KMT2D: variants seen among roughly 807,000 people sequenced by gnomAD.
The protein encoded by KMT2D is histone-lysine N-methyltransferase 2D.
In KMT2D, 55 loss-of-function variants were observed where a neutral mutation model predicts 512.7. The ratio of observed to expected loss-of-function variants is 0.11; its 90% CI spans 0.09 to 0.13. KMT2D has a LOEUF of 0.13. Among genes scored for constraint, KMT2D ranks in the 10% least tolerant of loss-of-function variants. KMT2D has a pLI of 1.00. For missense variants in KMT2D, 6,061 were observed against 7,127.9 expected (o/e 0.85, Z 5.39); for synonymous variants, 2,995 against 2,904.0 (o/e 1.03, Z -1.01).
rs1257427031 is a variant in KMT2D, at chr12:49,021,867, G to A, written c.16527C>T (p.Thr5509=). ...SRRIPKGEEL[T]YDYQFDFEDD... is the part of the protein sequence containing the mutation. ...CCTCAAAATCAAACTGATAGTCATA[G>A]GTTAGCTGAAAAGAGAAGAGGGCAG... The change falls in exon 55 of 55, where the codon ACC becomes ACT. Residue 5509 remains threonine (T), a synonymous_variant. Coordinates refer to ENST00000301067, the MANE Select transcript of KMT2D (RefSeq NM_003482.4). 1 of 1,613,644 alleles carries A rather than the reference G, an allele frequency of 6.2e-7. No homozygotes were observed. Among genetic ancestry groups the A allele is most frequent in the Non-Finnish European group, 8.5e-7 (1 of 1,179,560 alleles).
At position 49,033,400 on chromosome 12, in the gene KMT2D, G is replaced by T. The variant is rs758131988; in HGVS notation, c.11305C>A (p.Leu3769Met). 6.4e-7 allele frequency: 1 copy of T among 1,573,690 alleles called. No homozygotes were observed. Among genetic ancestry groups the T allele is most frequent in the Non-Finnish European group, 8.6e-7 (1 of 1,159,596 alleles). Residue 3769 changes from leucine to methionine, a missense_variant, in exon 40 of 55, where the codon CTG (leucine) becomes ATG (methionine). Transcript: ENST00000301067. ...QGPGVQTNQALGPKPQGLMPP... is the reference protein window; with the variant it reads ...QGPGVQTNQAMGPKPQGLMPP... Reference sequence around the variant, plus strand: ...ATAAGGCCCTGGGGCTTGGGACCCAGAGCTTGGTTTGTCTGTACTCCAGGA... The same window carrying T: ...ATAAGGCCCTGGGGCTTGGGACCCATAGCTTGGTTTGTCTGTACTCCAGGA...
chr12:49,058,435 T>C (rs777447096), intron 1 of KMT2D, among the ~76,000 whole-genome samples: 1 of 152,154 alleles, frequency 6.6e-6, no homozygotes, highest in Non-Finnish European at 1.5e-5. Context: ...ATCTAGTATA[T>C]GTATGTTGGA....
At position 49,029,110 on chromosome 12, in the gene KMT2D, G is replaced by A. The variant is rs200979074; in HGVS notation, c.14202C>T (p.Asp4734=). The A allele has an allele frequency of 2.4e-4, 379 of 1,611,460 alleles. 1 individual carries two copies. Among genetic ancestry groups the A allele is most frequent in the Admixed American group, 6.7e-5 (4 of 59,910 alleles). The change falls in exon 45 of 55, where the codon GAC becomes GAT. Residue 4734 remains aspartate (D), a synonymous_variant. Transcript: ENST00000301067. ...GGGGGATGACAGGGGAGAGGGCCCG[G>A]TCCTCTTGCTCCCACCGGCCTGAGC... The part of the protein sequence containing the change: ...HLGSGRWEQE[D]RALSPVIPLI...
intron 1 of KMT2D, among the ~76,000 whole-genome samples, chr12:49,058,715 A>T (rs993663764): frequency 1.3e-5 from 2 of 152,166 alleles, no homozygotes; most frequent in Non-Finnish European, 2.9e-5. Flanking sequence ...AAACCAGTTA[A>T]CAATCCCTGG....
chr12:49,043,063 G>T lies in KMT2D; in HGVS notation c.5644+13C>A, dbSNP rs765877892. The T allele has an allele frequency of 6.2e-7, 1 of 1,605,406 alleles. No homozygotes were observed. The highest frequency in any genetic ancestry group is 1.1e-5 in the South Asian group (1 of 90,918). ...AACCCTTATACACAAAGAGGTACGG[G>T]TCACAGCCTCACCTTCTGTGGAAAT... On this transcript the variant is annotated intron_variant, in intron 26 of 54. Coordinates refer to ENST00000301067, the MANE Select transcript of KMT2D (RefSeq NM_003482.4).
rs1487489173 is a variant in KMT2D at position 49,027,830 on chromosome 12, T to C, written c.14616A>G (p.Gln4872=). The C allele has an allele frequency of 6.3e-7, 1 of 1,584,272 alleles. No individual in the cohort carries two copies. The highest frequency in any genetic ancestry group is 1.1e-5 in the South Asian group (1 of 87,130). ...GTTTCAGGAGGCTCAAGATGTCTAG[T>C]TGGCTCTTCAGGGTATAGCCAGGCA... ...AVLPGYTLKS[Q]LDILSLLKQE... The change falls in exon 48 of 55, where the codon CAA becomes CAG. Residue 4872 remains glutamine, a synonymous_variant. Transcript: ENST00000301067.
Position 49,051,205 on chromosome 12 carries a change from G to A in KMT2D, c.2478C>T (p.Pro826=), listed in dbSNP as rs772355587. 1.3e-6 allele frequency: 2 copies of A among 1,500,578 alleles called. No individual in the cohort carries two copies. Among genetic ancestry groups the A allele is most frequent in the Non-Finnish European group, 1.8e-6 (2 of 1,116,720 alleles). 93.0% of individuals were successfully genotyped at this position (1,500,578 alleles called of 1,614,324 possible). Residue 826 remains proline, a synonymous_variant, in exon 11 of 55, where the codon CCC becomes CCT. Coordinates refer to ENST00000301067, the MANE Select transcript of KMT2D (RefSeq NM_003482.4). ...SPVPEEPCLS[P]QPEESHLSPQ... Reference sequence around the variant, plus strand: ...GGGACAGGTGTGATTCCTCAGGTTGGGGGGACAAGCATGGCTCCTCAGGCA... The same window carrying A: ...GGGACAGGTGTGATTCCTCAGGTTGAGGGGACAAGCATGGCTCCTCAGGCA...
At position 49,034,916 on chromosome 12, in the gene KMT2D, T is replaced by C. The variant is rs1943141309; in HGVS notation, c.10251A>G (p.Ala3417=). The C allele has an allele frequency of 5.0e-6, 8 of 1,613,914 alleles. 1 individual carries two copies. Among genetic ancestry groups the C allele is most frequent in the Non-Finnish European group, 6.8e-6 (8 of 1,179,896 alleles). The part of the protein sequence containing the change: ...FPDTDLDKFA[A]EDIIDPIAKA... The stretch of plus-strand genomic sequence containing the variant: ...TTGCAATGGGATCAATGATATCTTC[T>C]GCAGCAAATTTGTCCAGGTCTGGAG... The change falls in exon 36 of 55, where the codon GCA becomes GCG. Residue 3417 remains alanine, a synonymous_variant. Coordinates refer to ENST00000301067, the MANE Select transcript of KMT2D (RefSeq NM_003482.4).
rs2120462024 is a variant in KMT2D, at chr12:49,034,912, C to A, written c.10255G>T (p.Asp3419Tyr). 1 of 1,614,006 alleles carries A rather than the reference C, an allele frequency of 6.2e-7. No individual in the cohort carries two copies. Among genetic ancestry groups the A allele is most frequent in the South Asian group, 1.1e-5 (1 of 91,082 alleles). ...GCCTTTGCAATGGGATCAATGATAT[C>A]TTCTGCAGCAAATTTGTCCAGGTCT... ...DTDLDKFAAEDIIDPIAKAKM... is the reference protein window; with the variant it reads ...DTDLDKFAAEYIIDPIAKAKM... Residue 3419 changes from aspartate (D) to tyrosine (Y), a missense_variant, in exon 36 of 55, where the codon GAT becomes TAT. Coordinates refer to ENST00000301067, the MANE Select transcript of KMT2D (RefSeq NM_003482.4).
chr12:49,045,343 G>A (rs987347113), intron 19 of KMT2D, among the ~76,000 whole-genome samples: 1 of 152,108 alleles, frequency 6.6e-6, no homozygotes, highest in Non-Finnish European at 1.5e-5. Context: ...CTTTCACTTA[G>A]GAAAAAGAGT....
intron 14 of KMT2D, among the ~76,000 whole-genome samples, 160 bp downstream of exon 14, chr12:49,048,499 A>G (rs1185098103): frequency 1.3e-5 from 2 of 152,234 alleles, no homozygotes; most frequent in Non-Finnish European, 2.9e-5. Flanking sequence ...CTCAAGAGAA[A>G]TGTGATGGAT....
rs2120539985 is a variant in KMT2D at position 49,041,015 on chromosome 12, A to G, written c.6755T>C (p.Leu2252Pro). ...GCTCTCAGGCACAGCCAAGTTATCCAGCGAGGGGCAGCGGGGTTTGAGGAA... is the reference window on the plus strand; with the variant it reads ...GCTCTCAGGCACAGCCAAGTTATCCGGCGAGGGGCAGCGGGGTTTGAGGAA... ...DPFLKPRCPS[L>P]DNLAVPESPG... Residue 2252 changes from leucine to proline, a missense_variant, in exon 32 of 55, where the codon CTG becomes CCG. Leu to Pro is a moderately conservative substitution (Grantham distance 98). Around this residue, in one of 16 missense-constraint regions of KMT2D, gnomAD observed 710 missense variants for 647.3 expected, o/e 1.10. Transcript: ENST00000301067. This position sits in a 1 kb window ranked among gnomAD's most constrained non-coding sequence, Gnocchi z 5.4. 1 of 1,581,896 alleles carries G rather than the reference A, an allele frequency of 6.3e-7. No homozygotes were observed. The highest frequency in any genetic ancestry group is 1.2e-5 in the South Asian group (1 of 86,426).
chr12:49,020,477 C>G lies in KMT2D; in HGVS notation c.*1303G>C, dbSNP rs1942264144. 1 of 197,086 alleles carries G rather than the reference C, an allele frequency of 5.1e-6. No homozygotes were observed. Among genetic ancestry groups the G allele is most frequent in the Non-Finnish European group, 1.1e-5 (1 of 95,212 alleles). The allele number at this position is 197,086 out of a possible 1,614,324, so 12.2% of individuals were successfully genotyped here. A position where few individuals can be genotyped will look rare whatever the true frequency, so the allele number is the denominator to read the frequency against. On this transcript the variant is annotated 3_prime_UTR_variant, in exon 55 of 55. Coordinates refer to ENST00000301067, the MANE Select transcript of KMT2D (RefSeq NM_003482.4). ...AATTAGTAGTTTTACATTTGCTCTC[C>G]CCGGGGGGTGGGGGGAGAGGGGAGG... is the stretch of plus-strand genomic sequence containing the variant.
Position 49,042,751 on chromosome 12 carries a change from G to A in KMT2D, c.5772C>T (p.Pro1924=), listed in dbSNP as rs753805496. The change falls in exon 27 of 55, where the codon CCC becomes CCT. Residue 1924 remains proline, a synonymous_variant. Coordinates refer to ENST00000301067, the MANE Select transcript of KMT2D (RefSeq NM_003482.4). This position sits in a 1 kb window ranked among gnomAD's most constrained non-coding sequence, Gnocchi z 4.4. ...TCCCACCTGTATTACCTTGAAGAAA[G>A]GGCCTCTGCAGTGGCGTACGGCTGC... is the stretch of plus-strand genomic sequence containing the variant. The part of the protein sequence containing the change: ...LEGSRTPLQR[P]FLQGGLPLGN... 6.2e-7 allele frequency: 1 copy of A among 1,613,266 alleles called. No homozygotes were observed. The highest frequency in any genetic ancestry group is 8.5e-7 in the Non-Finnish European group (1 of 1,179,530).
chr12:49,039,324 T>G lies in KMT2D; in HGVS notation c.8264A>C (p.Lys2755Thr), dbSNP rs765036370. The G allele has an allele frequency of 6.2e-7, 1 of 1,613,600 alleles. No homozygotes were observed. Among genetic ancestry groups the G allele is most frequent in the Admixed American group, 1.7e-5 (1 of 59,980 alleles). Residue 2755 changes from lysine (K) to threonine (T), a missense_variant, in exon 34 of 55, where the codon AAG becomes ACG. Physicochemically the swap from Lys to Thr is moderately conservative, Grantham distance 78 (BLOSUM62 -1). Around this residue, in one of 16 missense-constraint regions of KMT2D, gnomAD observed 527 missense variants for 578.9 expected, o/e 0.91. Transcript: ENST00000301067. The surrounding 1 kb of genome is among the most constrained non-coding windows in gnomAD (Gnocchi z 5.0). ...KSSLVGLPPS[K>T]LSGPILGPGS... Reference sequence around the variant, plus strand: ...TGGCCCCAGGATGGGGCCACTCAGCTTGCTTGGGGGCAACCCCACAAGGCT... The same window carrying G: ...TGGCCCCAGGATGGGGCCACTCAGCGTGCTTGGGGGCAACCCCACAAGGCT...
Position 49,041,133 on chromosome 12 carries a change from C to T in KMT2D, c.6637G>A (p.Gly2213Ser), listed in dbSNP as rs1943502957. Residue 2213 changes from glycine (G) to serine (S), a missense_variant, in exon 32 of 55, where the codon GGC becomes AGC. By Grantham distance (56) the Gly-to-Ser change is moderately conservative. This residue lies in a region of KMT2D where 710 missense variants were observed against 647.3 expected (regional missense o/e 1.10). Transcript: ENST00000301067. The surrounding 1 kb of genome is among the most constrained non-coding windows in gnomAD (Gnocchi z 5.4). The stretch of plus-strand genomic sequence containing the variant: ...CCAGCCCCAGGACGAGATGAGGCGC[C>T]CAGCATCGGGGGCTGCGCAGGGGCC... Reference protein sequence around the residue: ...TGAPAQPPMLGASSRPGAGQP... With the variant: ...TGAPAQPPMLSASSRPGAGQP... 1 of 1,526,896 alleles carries T rather than the reference C, an allele frequency of 6.5e-7. No individual in the cohort carries two copies. The highest frequency in any genetic ancestry group is 8.8e-7 in the Non-Finnish European group (1 of 1,141,210). The allele number at this position is 1,526,896 out of a possible 1,614,324, so 94.6% of individuals were successfully genotyped here. A position where few individuals can be genotyped will look rare whatever the true frequency, so the allele number is the denominator to read the frequency against.
In KMT2D at chr12:49,050,903, G is replaced by A. The variant is rs769451984; in HGVS notation, c.2780C>T (p.Pro927Leu). 2 of 1,536,130 alleles carry A rather than the reference G, an allele frequency of 1.3e-6. No individual in the cohort carries two copies. The highest frequency in any genetic ancestry group is 2.0e-5 in the Admixed American group (1 of 49,794). ...LSPSGEPSLS[P>L]QLMPPDPLPP... Reference sequence around the variant, plus strand: ...CCCCTTACCTGGTGGCATCAGCTGAGGCGACAAGGATGGCTCCCCAGATGG... The same window carrying A: ...CCCCTTACCTGGTGGCATCAGCTGAAGCGACAAGGATGGCTCCCCAGATGG... Residue 927 changes from proline (P) to leucine (L), a missense_variant, in exon 11 of 55, where the codon CCT (proline) becomes CTT (leucine). Around this residue, in one of 16 missense-constraint regions of KMT2D, gnomAD observed 848 missense variants for 838.5 expected, o/e 1.01. Coordinates refer to ENST00000301067, the MANE Select transcript of KMT2D (RefSeq NM_003482.4).
chr12:49,022,029 A>G lies in KMT2D; in HGVS notation c.16521+14T>C. ...GGAGCTGCTTTGTCACTCAGTCAGG[A>G]TACTTCCTCTCACCTCCTCTCCTTT... On this transcript the variant is annotated intron_variant, in intron 54 of 54. Transcript: ENST00000301067. This position sits in a 1 kb window ranked among gnomAD's most constrained non-coding sequence, Gnocchi z 8.6. The G allele has an allele frequency of 2.5e-6, 4 of 1,608,040 alleles. No homozygotes were observed. The highest frequency in any genetic ancestry group is 3.4e-6 in the Non-Finnish European group (4 of 1,174,528).
chr12:49,048,668 G>A lies in KMT2D; in HGVS notation c.4122C>T (p.Val1374=), dbSNP rs1937709029. 1.9e-6 allele frequency: 3 copies of A among 1,608,030 alleles called. No individual in the cohort carries two copies. The highest frequency in any genetic ancestry group is 2.6e-6 in the Non-Finnish European group (3 of 1,174,476). Residue 1374 remains valine (V), a synonymous_variant, in exon 14 of 55, where the codon GTC becomes GTT. Transcript: ENST00000301067. ...TCTCACTGTATGGTACCTGCATTAG[G>A]ACAAATTTGTCTGTGTTGGAGAAGA... ...VVLFSNTDKF[V]LMQDMCVVCG...
Sources: allele counts gnomAD v4.1 joint callset (sites outside exome capture counted in the v4.1 genomes callset), GRCh38; gene constraint gnomAD v4.1.1; regional missense constraint gnomAD v4.1.1; non-coding constraint Gnocchi (gnomAD v3.1); transcripts MANE v1.5; gene names NCBI Gene and HGNC (gene_info 2026-07-23, HGNC 2026-07-21).